Variants in NHERF1 observed in about 807,000 individuals in gnomAD.
NHERF1 encodes NHERF family PDZ scaffold protein 1.
chr17:74,765,574 C>T, the NHERF1 span, among the ~76,000 whole-genome samples: 24 of 141,490 alleles, frequency 1.7e-4, no homozygotes, highest in South Asian at 5.0e-3. Flanking sequence ...TTTTTTTTTC[C>T]GGACACAGTC....
the NHERF1 span, chr17:74,748,993 G>A: frequency 3.1e-6 from 5 of 1,609,054 alleles, no homozygotes; most frequent in African/African-American, 1.3e-5. This position sits in a 1 kb window ranked among gnomAD's most constrained non-coding sequence, Gnocchi z 4.3. Context: ...CGCCGGCCGA[G>A]AAGGCGGGGC....
At chr17:74,768,144 CAGG>C in the NHERF1 span, 40 of 1,604,788 alleles carry the variant, frequency 2.5e-5, no homozygotes, top group South Asian at 3.2e-4. Flanking sequence ...TCCTCTCTGC[CAGG>C]AGAACAGTCG....
At chr17:74,757,363 C>A in the NHERF1 span, among the ~76,000 whole-genome samples, 1 of 152,060 alleles carries the variant, frequency 6.6e-6, no homozygotes, top group Non-Finnish European at 1.5e-5. Context: ...ATGGACACAT[C>A]CAACATTCCC....
the NHERF1 span, chr17:74,768,877 T>G: frequency 1.7e-6 from 1 of 573,128 alleles, no homozygotes. Context: ...GCCTCCCTCC[T>G]CCTCACTGAG....
At chr17:74,762,254 C>G in the NHERF1 span, 1 of 1,461,016 alleles carries the variant, frequency 6.8e-7, no homozygotes, top group Non-Finnish European at 9.4e-7. The surrounding 1 kb of genome is among the most constrained non-coding windows in gnomAD (Gnocchi z 4.2). Flanking sequence ...ATCATACCAT[C>G]ATGGGCTTGA....
the NHERF1 span, chr17:74,766,791 T>C: frequency 1.3e-6 from 1 of 788,978 alleles, no homozygotes; most frequent in Non-Finnish European, 2.2e-6. Flanking sequence ...GGCAAATGTA[T>C]TCATGGTGGG....
chr17:74,750,828 A>C, the NHERF1 span, among the ~76,000 whole-genome samples: 3 of 110,518 alleles, frequency 2.7e-5, no homozygotes, highest in African/African-American at 1.1e-4. Context: ...CCTTTTGGTT[A>C]TGCTGCTGGG....
the NHERF1 span, chr17:74,748,855 G>A: frequency 1.3e-6 from 2 of 1,592,992 alleles, no homozygotes; most frequent in Non-Finnish European, 1.7e-6. The surrounding 1 kb of genome is among the most constrained non-coding windows in gnomAD (Gnocchi z 4.3). Flanking sequence ...AGATGAGCGC[G>A]GACGCAGCGG....
the NHERF1 span, chr17:74,768,576 A>G: frequency 6.2e-7 from 1 of 1,614,020 alleles, no homozygotes; most frequent in African/African-American, 1.3e-5. Flanking sequence ...GGCCAAAGAG[A>G]GGGCCCACCA....
At chr17:74,755,090 G>A in the NHERF1 span, among the ~76,000 whole-genome samples, 1 of 152,208 alleles carries the variant, frequency 6.6e-6, no homozygotes, top group Non-Finnish European at 1.5e-5. Context: ...TGCCTGCACA[G>A]CCATTTGGCC....
At chr17:74,766,516 GTTTTTTTT>G in the NHERF1 span, among the ~76,000 whole-genome samples, 1 of 150,034 alleles carries the variant, frequency 6.7e-6, no homozygotes, top group African/African-American at 2.4e-5. Context: ...ACATTTTTTT[GTTTTTTTT>G]AATGAAATGA....
chr17:74,760,081 C>A, the NHERF1 span, among the ~76,000 whole-genome samples: 48 of 152,290 alleles, frequency 3.2e-4, no homozygotes, highest in Non-Finnish European at 5.3e-4. This position sits in a 1 kb window ranked among gnomAD's most constrained non-coding sequence, Gnocchi z 4.5. Context: ...GTCCTGGTGA[C>A]GGCGACTGGT....
chr17:74,762,095 AG>A, the NHERF1 span: 1 of 1,614,176 alleles, frequency 6.2e-7, no homozygotes. The surrounding 1 kb of genome is among the most constrained non-coding windows in gnomAD (Gnocchi z 4.2). Flanking sequence ...AGTCCAAGCC[AG>A]GCCAGTTCAT....
the NHERF1 span, among the ~76,000 whole-genome samples, chr17:74,765,607 A>G: frequency 6.7e-6 from 1 of 149,764 alleles, no homozygotes; most frequent in East Asian, 2.0e-4. Context: ...GCTAGAGTGC[A>G]ATGGCACAAT....
the NHERF1 span, among the ~76,000 whole-genome samples, chr17:74,754,925 G>A: frequency 6.6e-6 from 1 of 152,210 alleles, no homozygotes; most frequent in African/African-American, 2.4e-5. Context: ...TAATCCACAT[G>A]ACCACCAGTG....
chr17:74,762,606 G>C, the NHERF1 span, among the ~76,000 whole-genome samples: 4 of 151,882 alleles, frequency 2.6e-5, no homozygotes, highest in Non-Finnish European at 5.9e-5. The surrounding 1 kb of genome is among the most constrained non-coding windows in gnomAD (Gnocchi z 4.2). Flanking sequence ...CCAGGCTGGG[G>C]GAGTGCAGTG....
the NHERF1 span, chr17:74,768,073 C>A: frequency 9.6e-7 from 1 of 1,041,186 alleles, no homozygotes; most frequent in Non-Finnish European, 1.5e-6. Context: ...CCCTACTTCC[C>A]CAGGAGCTCC....
the NHERF1 span, chr17:74,749,308 G>T: frequency 8.5e-6 from 13 of 1,523,286 alleles, no homozygotes; most frequent in Non-Finnish European, 1.1e-5. This position sits in a 1 kb window ranked among gnomAD's most constrained non-coding sequence, Gnocchi z 5.6. Flanking sequence ...CCCAAGCCGC[G>T]CAGGCTGGCA....
At chr17:74,763,233 G>T in the NHERF1 span, 1 of 749,206 alleles carries the variant, frequency 1.3e-6, no homozygotes, top group African/African-American at 1.8e-5. Flanking sequence ...AATGGCGGGG[G>T]TCAGTATCCC....
Sources: allele counts gnomAD v4.1 joint callset (sites outside exome capture counted in the v4.1 genomes callset), GRCh38; gene constraint gnomAD v4.1.1; non-coding constraint Gnocchi (gnomAD v3.1); transcripts MANE v1.5; gene names NCBI Gene and HGNC (gene_info 2026-07-23, HGNC 2026-07-21).